RBFOX1: variants seen among roughly 807,000 people sequenced by gnomAD.
RBFOX1 encodes RNA binding protein fox-1 homolog 1.
RBFOX1 carries 8 observed loss-of-function variants against 57.7 expected under a neutral mutation model. The ratio of observed to expected loss-of-function variants is 0.14; its 90% CI spans 0.08 to 0.25. RBFOX1 has a LOEUF of 0.25. Ranked by LOEUF, RBFOX1 falls within the 10% of genes least tolerant of loss-of-function variation. The pLI is 1.00. For synonymous variants in RBFOX1, 326 were observed against 222.4 expected, an observed-to-expected ratio of 1.47 and a Z score of -4.15; for missense variants, 611 against 548.5, an observed-to-expected ratio of 1.11 and a Z score of -1.14.
At chr16:7,002,576 G>A (rs35264696) in intron 3 of RBFOX1, among the ~76,000 whole-genome samples, 6,005 of 152,158 alleles carry the variant, frequency 0.039, 145 homozygotes, top group Admixed American at 0.066. Context: ...GCTGGGCGTG[G>A]TGGCATGCAC....
chr16:6,100,504 G>T (rs2096292680), intron 1 of RBFOX1, among the ~76,000 whole-genome samples: 1 of 152,300 alleles, frequency 6.6e-6, no homozygotes, highest in South Asian at 2.1e-4. Context: ...GTAGACCTGA[G>T]CTTCCTCCAC....
At chr16:5,438,035 A>G (rs973567294) in intron 1 of RBFOX1, among the ~76,000 whole-genome samples, 6 of 152,250 alleles carry the variant, frequency 3.9e-5, no homozygotes, top group African/African-American at 9.6e-5. Flanking sequence ...GATGAAAAAT[A>G]AATGCAAAAG....
At chr16:6,856,784 G>C (rs936909230) in intron 3 of RBFOX1, among the ~76,000 whole-genome samples, 4 of 152,178 alleles carry the variant, frequency 2.6e-5, no homozygotes, top group Non-Finnish European at 1.5e-5. Flanking sequence ...GCACTAAGGA[G>C]ATGTGTGTAA....
intron 2 of RBFOX1, among the ~76,000 whole-genome samples, chr16:6,652,097 A>T (rs2098601061): frequency 6.6e-6 from 1 of 152,140 alleles, no homozygotes; most frequent in Non-Finnish European, 1.5e-5. Flanking sequence ...TAGGGAGGTA[A>T]TTCAGGTTAA....
intron 2 of RBFOX1, among the ~76,000 whole-genome samples, chr16:6,500,651 A>C (rs1300992091): frequency 6.6e-6 from 1 of 152,160 alleles, no homozygotes; most frequent in African/African-American, 2.4e-5. Context: ...CTGTAACTAC[A>C]GAGGCTTAAG....
At position 7,204,132 on chromosome 16, in the gene RBFOX1, T is replaced by C. The variant is rs78442446; in HGVS notation, c.27+152034T>C. Among the ~76,000 whole-genome samples the C allele has an allele frequency of 8.0e-3, 1,215 of 152,354 alleles. 13 individuals are homozygous for C. The highest frequency in any genetic ancestry group is 0.013 in the Non-Finnish European group (854 of 68,042). The stretch of plus-strand genomic sequence containing the variant: ...TGGGAAATCCACGGCACCCACAGGG[T>C]ATCTGCAGATACCTGCCAGAAGGCT... On this transcript the variant is annotated intron_variant, in intron 4 of 15. Transcript: ENST00000550418.
intron 2 of RBFOX1, among the ~76,000 whole-genome samples, chr16:6,598,782 C>T (rs959085612): frequency 1.3e-5 from 2 of 152,034 alleles, no homozygotes; most frequent in African/African-American, 4.8e-5. Flanking sequence ...CCTGTCTCTA[C>T]TAAAAATACA....
At chr16:7,043,046 C>A (rs1054366417) in intron 3 of RBFOX1, among the ~76,000 whole-genome samples, 10 of 87,870 alleles carry the variant, frequency 1.1e-4, no homozygotes, top group Admixed American at 7.0e-4. Context: ...CTCCACCCCC[C>A]ACAATCTCCC....
intron 3 of RBFOX1, among the ~76,000 whole-genome samples, chr16:5,619,672 G>T (rs2048145785): frequency 6.6e-6 from 1 of 152,150 alleles, no homozygotes; most frequent in Non-Finnish European, 1.5e-5. Context: ...CTGCATCTCT[G>T]CCCAGCTGTT....
intron 3 of RBFOX1, among the ~76,000 whole-genome samples, chr16:5,801,087 G>C (rs534500197): frequency 2.0e-5 from 3 of 152,080 alleles, no homozygotes; most frequent in Non-Finnish European, 4.4e-5. Context: ...AATAGGCCCC[G>C]CCCAGAGTGT....
At chr16:6,627,317 T>C (rs1380480302) in intron 2 of RBFOX1, among the ~76,000 whole-genome samples, 3 of 152,152 alleles carry the variant, frequency 2.0e-5, no homozygotes, top group African/African-American at 7.2e-5. Flanking sequence ...TAGGTATACC[T>C]TACCTACTCT....
intron 3 of RBFOX1, among the ~76,000 whole-genome samples, chr16:6,873,709 C>G (rs760836185): frequency 6.6e-6 from 1 of 152,184 alleles, no homozygotes; most frequent in African/African-American, 2.4e-5. Context: ...GTCACTGTCA[C>G]TATCATCCTC....
intron 3 of RBFOX1, among the ~76,000 whole-genome samples, chr16:6,811,972 G>A (rs1417695807): frequency 2.6e-5 from 4 of 152,168 alleles, no homozygotes; most frequent in Non-Finnish European, 5.9e-5. Context: ...TCTTACAGAT[G>A]TTGTTTCTCC....
intron 3 of RBFOX1, among the ~76,000 whole-genome samples, chr16:6,958,184 A>G (rs565771119): frequency 2.2e-4 from 33 of 152,336 alleles, no homozygotes; most frequent in African/African-American, 7.7e-4. Flanking sequence ...GAGGGCTGCA[A>G]AAGTTGAGGC....
At chr16:7,278,192 A>G (rs955371760) in intron 4 of RBFOX1, among the ~76,000 whole-genome samples, 5 of 152,184 alleles carry the variant, frequency 3.3e-5, no homozygotes, top group African/African-American at 1.2e-4. Context: ...ATATGGTTAT[A>G]CTTGGTGTAT....
At chr16:6,333,118 C>G (rs1445735708) in intron 2 of RBFOX1, among the ~76,000 whole-genome samples, 1 of 152,170 alleles carries the variant, frequency 6.6e-6, no homozygotes, top group Non-Finnish European at 1.5e-5. Flanking sequence ...CCCCTCAATG[C>G]AGCCTCTGTC....
intron 1 of RBFOX1, among the ~76,000 whole-genome samples, chr16:6,068,392 CA>C (rs2095794392): frequency 6.6e-6 from 1 of 152,196 alleles, no homozygotes; most frequent in Non-Finnish European, 1.5e-5. Context: ...TGCCTTTATA[CA>C]AAGGCTGGAG....
At chr16:7,205,266 C>G (rs989908564) in intron 4 of RBFOX1, among the ~76,000 whole-genome samples, 1 of 151,982 alleles carries the variant, frequency 6.6e-6, no homozygotes, top group Non-Finnish European at 1.5e-5. Context: ...ACCTGTAATC[C>G]CAGTGCTTAG....
chr16:6,983,024 G>T (rs139005124), intron 3 of RBFOX1, among the ~76,000 whole-genome samples: 1 of 141,780 alleles, frequency 7.1e-6, no homozygotes, highest in Non-Finnish European at 1.5e-5. Context: ...AAAAGGAAAG[G>T]TGTCGAACTG....
Sources: allele counts gnomAD v4.1 joint callset (sites outside exome capture counted in the v4.1 genomes callset), GRCh38; gene constraint gnomAD v4.1.1; transcripts MANE v1.5; gene names NCBI Gene and HGNC (gene_info 2026-07-23, HGNC 2026-07-21).